Variants in SCYL1 observed in about 807,000 individuals in gnomAD.
SCYL1 encodes the protein SCY1 like pseudokinase 1.
A neutral mutation model predicts 94.8 loss-of-function variants in SCYL1; 85 were observed. The ratio of observed to expected loss-of-function variants is 0.90; its 90% CI spans 0.75 to 1.07. SCYL1 has a LOEUF of 1.07. Among genes scored for constraint, SCYL1 ranks in the 50% least tolerant of loss-of-function variants. The probability of loss-of-function intolerance (pLI) is 0.00; values close to 1 mark genes in which losing one functional copy is unlikely to be tolerated. For synonymous variants in SCYL1, 459 were observed against 435.5 expected (o/e 1.05, Z -0.67); for missense variants, 968 against 1,083.3 (o/e 0.89, Z 1.49).
At chr11:65,531,243 A>G (rs1184689680) in intron 7 of SCYL1, among the ~76,000 whole-genome samples, 2 of 152,108 alleles carry the variant, frequency 1.3e-5, no homozygotes, top group Admixed American at 6.6e-5. Flanking sequence ...CATCTGAAAG[A>G]CTTGTCAGGA....
intron 13 of SCYL1, 76 bp downstream of exon 13, chr11:65,536,826 G>A: frequency 6.7e-7 from 1 of 1,486,652 alleles, no homozygotes; most frequent in Non-Finnish European, 9.2e-7. Context: ...CTTACTGTCT[G>A]ACTCCCCCGG....
At chr11:65,531,301 A>G (rs979955755) in intron 7 of SCYL1, among the ~76,000 whole-genome samples, 5 of 152,120 alleles carry the variant, frequency 3.3e-5, no homozygotes, top group Non-Finnish European at 7.4e-5. Flanking sequence ...ACCCCCAGAA[A>G]TTGCAGGCAG....
rs370992903 is a variant in SCYL1 at position 65,525,997 on chromosome 11, G to A, written c.329G>A (p.Gly110Asp). Residue 110 changes from glycine to aspartate, a missense_variant, in exon 3 of 18, where the codon GGT (glycine) becomes GAT (aspartate). Physicochemically the swap from Gly to Asp is moderately conservative, Grantham distance 94 (BLOSUM62 -1). Around this residue, in one of 2 missense-constraint regions of SCYL1, gnomAD observed 494 missense variants for 619.7 expected, o/e 0.80. Coordinates refer to ENST00000270176, the MANE Select transcript of SCYL1 (RefSeq NM_020680.4). ...TACCTCAAGGCGAGAGTGGAGGCTGGTGGCCTGAAGGAGCTGGAGATCTCC... is the reference window on the plus strand; with the variant it reads ...TACCTCAAGGCGAGAGTGGAGGCTGATGGCCTGAAGGAGCTGGAGATCTCC... Reference protein sequence around the residue: ...GIYLKARVEAGGLKELEISWG... With the variant: ...GIYLKARVEADGLKELEISWG... 1.2e-6 allele frequency: 2 copies of A among 1,613,388 alleles called. No homozygotes were observed. Among genetic ancestry groups the A allele is most frequent in the South Asian group, 1.1e-5 (1 of 91,080 alleles).
At chr11:65,529,374 T>C (rs909064072) in intron 6 of SCYL1, among the ~76,000 whole-genome samples, 5 of 152,116 alleles carry the variant, frequency 3.3e-5, no homozygotes, top group African/African-American at 7.2e-5. Flanking sequence ...CCATAGGAAA[T>C]AGGGTTTCGG....
chr11:65,529,306 G>A (rs1020007761), intron 6 of SCYL1, among the ~76,000 whole-genome samples: 9 of 152,216 alleles, frequency 5.9e-5, no homozygotes, highest in East Asian at 3.8e-4. Flanking sequence ...ACTTTGTTAC[G>A]TGGAGTTCTC....
Position 65,527,029 on chromosome 11 carries a change from C to T in SCYL1, c.761C>T (p.Pro254Leu), listed in dbSNP as rs973053915. 6.2e-7 allele frequency: 1 copy of T among 1,613,446 alleles called. No individual in the cohort carries two copies. The highest frequency in any genetic ancestry group is 8.5e-7 in the Non-Finnish European group (1 of 1,179,988). Residue 254 changes from proline to leucine, a missense_variant, in exon 6 of 18, where the codon CCA becomes CTA. Transcript: ENST00000270176. ...VGANPKVRPN[P>L]ARFLQNCRAP... is the part of the protein sequence containing the mutation. ...GCAAACCCCAAGGTGCGTCCCAACC[C>T]AGCCCGCTTCCTGCAGAACTGCCGG...
rs764151586 is a variant in SCYL1, at chr11:65,526,186, C to T, written c.438C>T (p.Ala146=). 10 of 1,613,312 alleles carry T rather than the reference C, an allele frequency of 6.2e-6. No homozygotes were observed. The highest frequency in any genetic ancestry group is 1.1e-5 in the South Asian group (1 of 91,090). Reference sequence around the variant, plus strand: ...TCCACAACAATGTCTGCATGGCCGCCGTGTTCGTGGACCGAGCTGGCGAGT... The same window carrying T: ...TCCACAACAATGTCTGCATGGCCGCTGTGTTCGTGGACCGAGCTGGCGAGT... ...SLIHNNVCMA[A]VFVDRAGEWK... is the part of the protein sequence containing the mutation. Residue 146 remains alanine (A), a synonymous_variant, in exon 4 of 18, where the codon GCC becomes GCT. Coordinates refer to ENST00000270176, the MANE Select transcript of SCYL1 (RefSeq NM_020680.4). This position sits in a 1 kb window ranked among gnomAD's most constrained non-coding sequence, Gnocchi z 4.1.
rs1565079212 is a variant in SCYL1, at chr11:65,537,009, C to A, written c.1840C>A (p.Pro614Thr). The change falls in exon 14 of 18, where the codon CCT becomes ACT. Residue 614 changes from proline to threonine, a missense_variant. This residue lies in a region of SCYL1 where 474 missense variants were observed against 463.6 expected (regional missense o/e 1.02). Coordinates refer to ENST00000270176, the MANE Select transcript of SCYL1 (RefSeq NM_020680.4). ...PEGVPAPAPTPVPATPTTSGH... is the reference protein window; with the variant it reads ...PEGVPAPAPTTVPATPTTSGH... Reference sequence around the variant, plus strand: ...AGGAGTTCCTGCCCCAGCCCCCACCCCTGTTCCTGCCACCCCTACAACCTC... The same window carrying A: ...AGGAGTTCCTGCCCCAGCCCCCACCACTGTTCCTGCCACCCCTACAACCTC... 15 of 1,612,584 alleles carry A rather than the reference C, an allele frequency of 9.3e-6. No homozygotes were observed. The highest frequency in any genetic ancestry group is 1.3e-5 in the Non-Finnish European group (15 of 1,179,052).
Position 65,530,644 on chromosome 11 carries a change from G to A in SCYL1, c.865G>A (p.Glu289Lys), listed in dbSNP as rs369729088. Reference protein sequence around the residue: ...LEEIQIKEPAEKQKFFQELSK... With the variant: ...LEEIQIKEPAKKQKFFQELSK... Reference sequence around the variant, plus strand: ...ACTCCCCCAGATCAAAGAGCCAGCCGAGAAGCAAAAATTCTTCCAGGAGCT... The same window carrying A: ...ACTCCCCCAGATCAAAGAGCCAGCCAAGAAGCAAAAATTCTTCCAGGAGCT... The change falls in exon 7 of 18, where the codon GAG (glutamate) becomes AAG (lysine). Residue 289 changes from glutamate to lysine, a missense_variant. Transcript: ENST00000270176. 2.8e-5 allele frequency: 45 copies of A among 1,613,262 alleles called. No homozygotes were observed. In the East Asian group the frequency reaches 2.9e-4, roughly 10 times the overall value.
intron 10 of SCYL1, 86 bp downstream of exon 10, chr11:65,535,468 C>T: frequency 6.6e-7 from 1 of 1,509,296 alleles, no homozygotes; most frequent in South Asian, 1.2e-5. Flanking sequence ...TGTGTGGGGG[C>T]CTTCATTCTC....
rs1855104892 is a variant in SCYL1, at chr11:65,526,793, A to G, written c.613A>G (p.Met205Val). Residue 205 changes from methionine (M) to valine (V), a missense_variant, in exon 5 of 18, where the codon ATG (methionine) becomes GTG (valine). Met to Val is a conservative substitution (Grantham distance 21, BLOSUM62 1). Around this residue, in one of 2 missense-constraint regions of SCYL1, gnomAD observed 494 missense variants for 619.7 expected, o/e 0.80. Transcript: ENST00000270176. This position sits in a 1 kb window ranked among gnomAD's most constrained non-coding sequence, Gnocchi z 4.1. ...RVVREKWSAD[M>V]WRLGCLIWEV... Reference sequence around the variant, plus strand: ...GGGTCACTGCCACAGGTCAGCAGACATGTGGCGCTTGGGCTGCCTCATTTG... The same window carrying G: ...GGGTCACTGCCACAGGTCAGCAGACGTGTGGCGCTTGGGCTGCCTCATTTG... 1 of 1,612,536 alleles carries G rather than the reference A, an allele frequency of 6.2e-7. No homozygotes were observed.
chr11:65,535,598 C>G (rs541902542), intron 10 of SCYL1: 6 of 659,200 alleles, frequency 9.1e-6, no homozygotes, highest in South Asian at 8.1e-5. Context: ...GTGCTTGGCC[C>G]CATGGCCTGT....
intron 15 of SCYL1, 42 bp downstream of exon 15, chr11:65,537,922 TC>T (rs1458167556): frequency 6.3e-7 from 1 of 1,584,326 alleles, no homozygotes; most frequent in Non-Finnish European, 8.6e-7. Flanking sequence ...TGGGGCTCTT[TC>T]CTCCTTGGGC....
At position 65,531,581 on chromosome 11, in the gene SCYL1, C is replaced by T. The variant is rs1370237336; in HGVS notation, c.1014C>T (p.Gly338=). ...CCATCTTCCTGCCCTTTCAGGTGGG[C>T]AAGTTCCTGAGCGCTGAGGAGTATC... ...AVVLTPLFKV[G]KFLSAEEYQQ... is the part of the protein sequence containing the mutation. Residue 338 remains glycine, a synonymous_variant, in exon 8 of 18, where the codon GGC becomes GGT. Transcript: ENST00000270176. The T allele has an allele frequency of 4.3e-6, 7 of 1,613,152 alleles. No individual in the cohort carries two copies. The South Asian group carries it at 6.6e-5, about 15-fold the overall frequency.
intron 14 of SCYL1, 30 bp from the exon 15 acceptor site, chr11:65,537,779 G>A (rs1372755538): frequency 6.6e-7 from 1 of 1,526,658 alleles, no homozygotes; most frequent in Non-Finnish European, 8.8e-7. Context: ...AGCATGGGGT[G>A]GGAGTCAGTG....
At chr11:65,532,286 G>A (rs1855414921) in intron 8 of SCYL1, among the ~76,000 whole-genome samples, 1 of 152,088 alleles carries the variant, frequency 6.6e-6, no homozygotes, top group Admixed American at 6.5e-5. Flanking sequence ...TTAGCCAGGT[G>A]CGGTGGTGGG....
Position 65,525,129 on chromosome 11 carries a change from C to T in SCYL1, c.-25C>T. 1 of 1,307,378 alleles carries T rather than the reference C, an allele frequency of 7.6e-7. No individual in the cohort carries two copies. The highest frequency in any genetic ancestry group is 3.2e-5 in the East Asian group (1 of 31,614). The allele number at this position is 1,307,378 out of a possible 1,614,324, so 81.0% of individuals were successfully genotyped here. On this transcript the variant is annotated 5_prime_UTR_variant, in exon 1 of 18. Coordinates refer to ENST00000270176, the MANE Select transcript of SCYL1 (RefSeq NM_020680.4). ...CCGGAGGACCCGGAGCTAAGGCGCC[C>T]GAACCCGCGGCGGCGGTGGGGACGA...
intron 17 of SCYL1, 37 bp from the exon 18 acceptor site, chr11:65,538,405 G>A (rs1270678949): frequency 6.5e-7 from 1 of 1,540,942 alleles, no homozygotes; most frequent in Non-Finnish European, 8.8e-7. Context: ...GGCACTGGCT[G>A]GAGAGCTGAG....
chr11:65,530,325 A>G (rs1185526705), intron 6 of SCYL1, among the ~76,000 whole-genome samples: 12 of 152,206 alleles, frequency 7.9e-5, no homozygotes, highest in Non-Finnish European at 1.8e-4. Flanking sequence ...TCTCCCAGCA[A>G]CAGGTCAGGT....
Sources: gnomAD v4.1 joint callset for allele counts (sites outside exome capture counted in the v4.1 genomes callset) on GRCh38, gnomAD v4.1.1 for gene constraint, gnomAD v4.1.1 regional missense constraint, Gnocchi (gnomAD v3.1) non-coding constraint, MANE v1.5 for transcripts, NCBI Gene and HGNC (gene_info 2026-07-23, HGNC 2026-07-21) for gene names.